Variants in KIAA1958 observed in about 807,000 individuals in gnomAD.
KIAA1958 encodes KIAA1958.
In KIAA1958, 14 loss-of-function variants were observed where a neutral mutation model predicts 47.2. That is an observed-to-expected ratio of 0.30 (90% confidence interval 0.20 to 0.46). The LOEUF is 0.46. Ranked by LOEUF, KIAA1958 falls within the 20% of genes least tolerant of loss-of-function variation. The pLI is 1.00. For synonymous variants in KIAA1958, 354 were observed against 353.3 expected (o/e 1.00, Z -0.02); for missense variants, 803 against 909.2 (o/e 0.88, Z 1.50).
intron 2 of KIAA1958, among the ~76,000 whole-genome samples, chr9:112,632,275 A>G (rs1406239648): frequency 1.3e-5 from 2 of 152,164 alleles, no homozygotes; most frequent in Non-Finnish European, 2.9e-5. Context: ...AATATATTGC[A>G]GAACTGTTTT....
chr9:112,652,985 A>G (rs1238791215), intron 3 of KIAA1958, among the ~76,000 whole-genome samples: 3 of 152,214 alleles, frequency 2.0e-5, no homozygotes, highest in Admixed American at 6.5e-5. Context: ...AGACCCAGTC[A>G]TAAATGAAAT....
chr9:112,648,683 C>A (rs914002118), intron 3 of KIAA1958, among the ~76,000 whole-genome samples: 3 of 152,172 alleles, frequency 2.0e-5, no homozygotes, highest in African/African-American at 7.2e-5. Flanking sequence ...CTTGAAAATG[C>A]TTTGATCCAA....
chr9:112,634,110 G>T (rs189033214), intron 2 of KIAA1958, among the ~76,000 whole-genome samples: 1 of 152,188 alleles, frequency 6.6e-6, no homozygotes, highest in Non-Finnish European at 1.5e-5. Context: ...GAGTGTTCCT[G>T]TTGCTCCATA....
At chr9:112,557,800 G>A (rs939659937) in intron 1 of KIAA1958, among the ~76,000 whole-genome samples, 1 of 152,228 alleles carries the variant, frequency 6.6e-6, no homozygotes, top group Admixed American at 6.5e-5. Flanking sequence ...CCAAATACTT[G>A]ATAAAATTCA....
chr9:112,583,769 A>G (rs558558658), intron 2 of KIAA1958, among the ~76,000 whole-genome samples: 1 of 152,238 alleles, frequency 6.6e-6, no homozygotes, highest in African/African-American at 2.4e-5. Context: ...ACAGACACAC[A>G]CACTTAATTA....
chr9:112,555,867 G>A (rs1835230250), intron 1 of KIAA1958, among the ~76,000 whole-genome samples: 1 of 152,076 alleles, frequency 6.6e-6, no homozygotes, highest in South Asian at 2.1e-4. Context: ...TTGAGGTCAG[G>A]AGTTTAAGAC....
chr9:112,500,616 C>A (rs1834118144), intron 1 of KIAA1958, among the ~76,000 whole-genome samples: 1 of 152,026 alleles, frequency 6.6e-6, no homozygotes, highest in Non-Finnish European at 1.5e-5. Context: ...TGATGCTTTC[C>A]TGTTAATCAT....
chr9:112,612,805 T>C (rs1836348695), intron 2 of KIAA1958, among the ~76,000 whole-genome samples: 1 of 152,206 alleles, frequency 6.6e-6, no homozygotes, highest in African/African-American at 2.4e-5. Context: ...AAACGTTCTG[T>C]CTACAGGGAT....
intron 1 of KIAA1958, among the ~76,000 whole-genome samples, chr9:112,535,325 A>G (rs1834834007): frequency 6.6e-6 from 1 of 152,186 alleles, no homozygotes; most frequent in African/African-American, 2.4e-5. Context: ...CATGTAAGTG[A>G]GACCATGTGG....
At chr9:112,585,667 G>A (rs1232955612) in intron 2 of KIAA1958, among the ~76,000 whole-genome samples, 1 of 152,222 alleles carries the variant, frequency 6.6e-6, no homozygotes, top group Non-Finnish European at 1.5e-5. Context: ...TGAGATAACA[G>A]TGAAGGCATT....
At chr9:112,655,972 T>C (rs1211138738) in intron 3 of KIAA1958, among the ~76,000 whole-genome samples, 1 of 152,090 alleles carries the variant, frequency 6.6e-6, no homozygotes, top group Non-Finnish European at 1.5e-5. Flanking sequence ...TAAATAAATG[T>C]GCATGGTGTA....
At chr9:112,556,248 C>T (rs910119627) in intron 1 of KIAA1958, among the ~76,000 whole-genome samples, 1 of 152,186 alleles carries the variant, frequency 6.6e-6, no homozygotes, top group Non-Finnish European at 1.5e-5. Context: ...TCCCTGTTAC[C>T]TGCAAGGTTG....
intron 1 of KIAA1958, among the ~76,000 whole-genome samples, chr9:112,567,605 C>A (rs956114622): frequency 6.6e-6 from 1 of 152,138 alleles, no homozygotes; most frequent in Non-Finnish European, 1.5e-5. Flanking sequence ...GAGCACCATA[C>A]TCCCGAATAA....
chr9:112,574,906 A>G lies in KIAA1958; in HGVS notation c.826A>G (p.Ile276Val). 6.2e-7 allele frequency: 1 copy of G among 1,614,026 alleles called. No homozygotes were observed. Among genetic ancestry groups the G allele is most frequent in the South Asian group, 1.1e-5 (1 of 91,074 alleles). Reference sequence around the variant, plus strand: ...CGGTATGTCTGCATCCCCCTCTGTGATCTCCAGACCAATTGTCCAGAAGAC... The same window carrying G: ...CGGTATGTCTGCATCCCCCTCTGTGGTCTCCAGACCAATTGTCCAGAAGAC... ...PHGMSASPSV[I>V]SRPIVQKTAR... The change falls in exon 2 of 4, where the codon ATC (isoleucine) becomes GTC (valine). Residue 276 changes from isoleucine (I) to valine (V), a missense_variant. By Grantham distance (29) the Ile-to-Val change is conservative. Transcript: ENST00000337530.
chr9:112,494,621 C>T (rs890775737), intron 1 of KIAA1958, among the ~76,000 whole-genome samples: 1 of 151,876 alleles, frequency 6.6e-6, no homozygotes, highest in Non-Finnish European at 1.5e-5. Flanking sequence ...ATGTGCATCA[C>T]CATGCCCTAC....
rs766756961 is a variant in KIAA1958 at position 112,574,985 on chromosome 9, C to T, written c.905C>T (p.Thr302Ile). ...PNRGPPGTHGTNQQVAMQMPV... is the reference protein window; with the variant it reads ...PNRGPPGTHGINQQVAMQMPV... ...AGAGGACCCCCTGGTACACATGGCA[C>T]CAACCAACAGGTGGCCATGCAAATG... The change falls in exon 2 of 4, where the codon ACC becomes ATC. Residue 302 changes from threonine (T) to isoleucine (I), a missense_variant. Transcript: ENST00000337530. 5 of 1,614,180 alleles carry T rather than the reference C, an allele frequency of 3.1e-6. No individual in the cohort carries two copies. The highest frequency in any genetic ancestry group is 4.2e-6 in the Non-Finnish European group (5 of 1,180,030).
At position 112,659,331 on chromosome 9, in the gene KIAA1958, G is replaced by C; in HGVS notation, c.1413G>C (p.Ser471=). 1 of 1,614,020 alleles carries C rather than the reference G, an allele frequency of 6.2e-7. No homozygotes were observed. The highest frequency in any genetic ancestry group is 1.1e-5 in the South Asian group (1 of 91,070). Residue 471 remains serine (S), a synonymous_variant, in exon 4 of 4, where the codon TCG becomes TCC. Coordinates refer to ENST00000337530, the MANE Select transcript of KIAA1958 (RefSeq NM_133465.4). ...TCACCGTCAAGAAGAGCGACGGCTC[G>C]GACTTCCTGGCCACCTCGCTCCATG... The part of the protein sequence containing the change: ...FYVTVKKSDG[S]DFLATSLHAI...
intron 2 of KIAA1958, among the ~76,000 whole-genome samples, chr9:112,611,068 A>G (rs183975563): frequency 6.9e-4 from 105 of 152,298 alleles, no homozygotes; most frequent in Non-Finnish European, 1.2e-3. Flanking sequence ...AAATTCTTTA[A>G]TAAGTCTTAA....
intron 1 of KIAA1958, among the ~76,000 whole-genome samples, chr9:112,550,773 CA>C (rs1466604480): frequency 6.6e-6 from 1 of 152,126 alleles, no homozygotes; most frequent in Non-Finnish European, 1.5e-5. Flanking sequence ...ATTTGTCAGT[CA>C]TGTAAACTTG....
Sources: allele counts gnomAD v4.1 joint callset (sites outside exome capture counted in the v4.1 genomes callset), GRCh38; gene constraint gnomAD v4.1.1; transcripts MANE v1.5; gene names NCBI Gene and HGNC (gene_info 2026-07-23, HGNC 2026-07-21).